APAF1: variants seen among roughly 807,000 people sequenced by gnomAD.
APAF1 encodes apoptotic protease-activating factor 1.
In APAF1, 91 loss-of-function variants were observed where a neutral mutation model predicts 152.4. That is an observed-to-expected ratio of 0.60 (90% CI 0.50 to 0.71). The LOEUF is 0.71. Ranked by LOEUF, APAF1 falls within the 30% of genes least tolerant of loss-of-function variation. The pLI is 0.00. For missense variants in APAF1, 1,283 were observed against 1,472.0 expected, an observed-to-expected ratio of 0.87 and a Z score of 2.10; for synonymous variants, 484 against 494.1, an observed-to-expected ratio of 0.98 and a Z score of 0.27.
chr12:98,688,329 T>A (rs1322729725), intron 16 of APAF1, among the ~76,000 whole-genome samples: 2 of 152,198 alleles, frequency 1.3e-5, no homozygotes, highest in Non-Finnish European at 2.9e-5. Flanking sequence ...GGTCTACATT[T>A]TTCCCTCTTG....
chr12:98,666,712 A>G (rs1280488693), intron 9 of APAF1, among the ~76,000 whole-genome samples: 1 of 152,138 alleles, frequency 6.6e-6, no homozygotes, highest in Non-Finnish European at 1.5e-5. Context: ...AGTACTGGCT[A>G]GTAATTTTGT....
chr12:98,720,312 A>G (rs1296088199), intron 22 of APAF1, among the ~76,000 whole-genome samples: 1 of 152,250 alleles, frequency 6.6e-6, no homozygotes, highest in Non-Finnish European at 1.5e-5. Flanking sequence ...TCTACTCAGA[A>G]TACTTTTTAC....
At chr12:98,663,477 G>A (rs762402964) in intron 7 of APAF1, among the ~76,000 whole-genome samples, 2 of 152,022 alleles carry the variant, frequency 1.3e-5, no homozygotes, top group Non-Finnish European at 2.9e-5. Flanking sequence ...GCCTCCTAAA[G>A]CACTGGGACT....
At chr12:98,689,431 AGG>A (rs2097701607) in intron 16 of APAF1, among the ~76,000 whole-genome samples, 1 of 105,014 alleles carries the variant, frequency 9.5e-6, no homozygotes, top group Non-Finnish European at 2.0e-5. Context: ...CTTTTGTGTG[AGG>A]GTGAGAGAGA....
At chr12:98,701,254 T>C (rs895925733) in intron 17 of APAF1, among the ~76,000 whole-genome samples, 1 of 152,232 alleles carries the variant, frequency 6.6e-6, no homozygotes, top group African/African-American at 2.4e-5. Context: ...ATTTTTTTCA[T>C]CCATTCATCT....
chr12:98,662,589 T>G, intron 6 of APAF1, 21 bp downstream of exon 6: 1 of 1,604,808 alleles, frequency 6.2e-7, no homozygotes. Flanking sequence ...TTCGTTTACT[T>G]TTTAGTACCT....
At chr12:98,698,569 C>G (rs999947956) in intron 16 of APAF1, among the ~76,000 whole-genome samples, 1 of 152,106 alleles carries the variant, frequency 6.6e-6, no homozygotes, top group Non-Finnish European at 1.5e-5. Flanking sequence ...TATAATACTT[C>G]TTTTTACTCG....
intron 20 of APAF1, among the ~76,000 whole-genome samples, chr12:98,709,313 C>T (rs1593096862): frequency 6.6e-6 from 1 of 151,866 alleles, no homozygotes; most frequent in South Asian, 2.1e-4. Context: ...AGTCTGTTCT[C>T]CTTCTGCCAC....
chr12:98,672,305 T>C (rs1207585586), intron 12 of APAF1, among the ~76,000 whole-genome samples: 1 of 151,730 alleles, frequency 6.6e-6, no homozygotes, highest in Non-Finnish European at 1.5e-5. Flanking sequence ...GCTGGGATTA[T>C]AGGCGCCCAC....
Position 98,703,391 on chromosome 12 carries a change from T to C in APAF1, c.2487T>C (p.Ser829=). The change falls in exon 18 of 27, where the codon AGT becomes AGC. Residue 829 remains serine, a synonymous_variant. Coordinates refer to ENST00000551964, the MANE Select transcript of APAF1 (RefSeq NM_181861.2). ...GACAGCTTTTTGACATTCATACTAG[T>C]GGCCTATTGGGAGAAATCCACACGG... is the stretch of plus-strand genomic sequence containing the variant. The part of the protein sequence containing the change: ...NKIFLFDIHT[S]GLLGEIHTGH... 1 of 1,614,194 alleles carries C rather than the reference T, an allele frequency of 6.2e-7. No individual in the cohort carries two copies. The highest frequency in any genetic ancestry group is 8.5e-7 in the Non-Finnish European group (1 of 1,180,010).
Position 98,709,272 on chromosome 12 carries a change from T to C in APAF1, c.2841+568T>C, listed in dbSNP as rs144176447. Among the ~76,000 whole-genome samples, 471 of 152,296 alleles carry C rather than the reference T, an allele frequency of 3.1e-3. 4 individuals carry two copies. The highest frequency in any genetic ancestry group is 0.011 in the African/African-American group (452 of 41,570). ...TTGTATAGTACAATTGAAAGAACTG[T>C]ATTGCTTAGGGATCCAAACAGCACT... On this transcript the variant is annotated intron_variant, in intron 20 of 26. Transcript: ENST00000551964.
intron 16 of APAF1, 141 bp downstream of exon 16, chr12:98,687,014 CTG>C: frequency 1.2e-6 from 1 of 818,446 alleles, no homozygotes; most frequent in Non-Finnish European, 2.0e-6. Flanking sequence ...TTTAATGTAA[CTG>C]TAATTGCTTA....
chr12:98,689,495 T>TGTGTGTGA (rs142801463), intron 16 of APAF1, among the ~76,000 whole-genome samples: 17 of 151,104 alleles, frequency 1.1e-4, no homozygotes, highest in South Asian at 6.3e-4. Context: ...TGTGTGTGTG[T>TGTGTGTGA]GAGAGAGAGA....
intron 22 of APAF1, among the ~76,000 whole-genome samples, chr12:98,719,203 T>C (rs1379538333): frequency 2.6e-5 from 4 of 152,216 alleles, no homozygotes; most frequent in African/African-American, 9.6e-5. Context: ...GTGAACACTG[T>C]GTGGCTATCT....
chr12:98,667,506 G>A lies in APAF1; in HGVS notation c.1363-7G>A, dbSNP rs1333579962. 2 of 1,613,102 alleles carry A rather than the reference G, an allele frequency of 1.2e-6. No individual in the cohort carries two copies. Among genetic ancestry groups the A allele is most frequent in the Admixed American group, 1.7e-5 (1 of 59,988 alleles). On this transcript the variant is annotated splice_region_variant and splice_polypyrimidine_tract_variant and intron_variant, in intron 9 of 26. Transcript: ENST00000551964. ...TCTGGCTTCTGAAACGTTTCATTGG[G>A]TTGCAGGATCTACATAAGAAGATAA...
rs1030864592 is a variant in APAF1 at position 98,645,656 on chromosome 12, G to A, written c.-221G>A. The A allele has an allele frequency of 1.3e-5, 2 of 152,264 alleles. No homozygotes were observed. Among genetic ancestry groups the A allele is most frequent in the African/African-American group, 4.8e-5 (2 of 41,456 alleles). 9.4% of individuals were successfully genotyped at this position (152,264 alleles called of 1,614,324 possible). A position where few individuals can be genotyped will look rare whatever the true frequency, so the allele number is the denominator to read the frequency against. ...CGCCCCGGGGCTGCAGAGATCCAGG[G>A]GAGGCGCCTGTGAGGCCCGGACCTG... On this transcript the variant is annotated 5_prime_UTR_variant, in exon 1 of 27. Transcript: ENST00000551964.
Position 98,659,337 on chromosome 12 carries a change from A to G in APAF1, c.704A>G (p.His235Arg), listed in dbSNP as rs773148827. 5.6e-6 allele frequency: 9 copies of G among 1,614,150 alleles called. No individual in the cohort carries two copies. Among genetic ancestry groups the G allele is most frequent in the Non-Finnish European group, 7.6e-6 (9 of 1,180,006 alleles). Reference sequence around the variant, plus strand: ...CTCCGCATTCTGATGCTTCGCAAACACCCAAGGTACCGATGGTCAAATTTA... The same window carrying G: ...CTCCGCATTCTGATGCTTCGCAAACGCCCAAGGTACCGATGGTCAAATTTA... ...DRLRILMLRK[H>R]PRSLLILDDV... Residue 235 changes from histidine (H) to arginine (R), a missense_variant, in exon 5 of 27, where the codon CAC (histidine) becomes CGC (arginine). His to Arg is a conservative substitution (Grantham distance 29). Transcript: ENST00000551964.
intron 17 of APAF1, 55 bp downstream of exon 17, chr12:98,699,624 G>A: frequency 1.3e-6 from 2 of 1,591,884 alleles, no homozygotes; most frequent in Non-Finnish European, 1.7e-6. Context: ...TAAAACTTCT[G>A]TTCATTTTTG....
At chr12:98,691,710 C>A (rs1342189007) in intron 16 of APAF1, among the ~76,000 whole-genome samples, 2 of 152,114 alleles carry the variant, frequency 1.3e-5, no homozygotes, top group Admixed American at 6.5e-5. Context: ...CCAATGACCA[C>A]CTAGTTTTTT....
Sources: allele counts gnomAD v4.1 joint callset (sites outside exome capture counted in the v4.1 genomes callset), GRCh38; gene constraint gnomAD v4.1.1; transcripts MANE v1.5; gene names NCBI Gene and HGNC (gene_info 2026-07-23, HGNC 2026-07-21).